The following DNAJB6 variants were observed in gnomAD, a reference collection of about 807,000 sequenced individuals.
DNAJB6 encodes the protein dnaJ homolog subfamily B member 6.
Under a neutral mutation model 42.7 loss-of-function variants are expected in DNAJB6, and 16 were observed. The observed-to-expected ratio is 0.37, with a 90% CI of 0.25 to 0.57. DNAJB6 has a LOEUF of 0.57. Among genes scored for constraint, DNAJB6 ranks in the 20% least tolerant of loss-of-function variants. The pLI, the probability that DNAJB6 is intolerant of heterozygous loss-of-function variation, is 0.74. For missense variants in DNAJB6, 347 were observed against 416.8 expected (o/e 0.83, Z 1.46); for synonymous variants, 170 against 163.5 (o/e 1.04, Z -0.30).
chr7:157,341,006 G>GCGCTCGCGCGCA (rs764073499), intron 1 of DNAJB6, among the ~76,000 whole-genome samples: 8 of 142,582 alleles, frequency 5.6e-5, no homozygotes, highest in Non-Finnish European at 1.1e-4. Context: ...GTGCGCGCGC[G>GCGCTCGCGCGCA]CAGGTGGAAT....
At chr7:157,400,218 CTGGGT>C (rs1801782586) in intron 8 of DNAJB6, among the ~76,000 whole-genome samples, 1 of 150,014 alleles carries the variant, frequency 6.7e-6, no homozygotes, top group African/African-American at 2.5e-5. Flanking sequence ...GCTGGGATGC[CTGGGT>C]CCCCGCGCCT....
chr7:157,366,592 A>G, intron 4 of DNAJB6, 31 bp downstream of exon 4: 3 of 1,601,902 alleles, frequency 1.9e-6, no homozygotes, highest in East Asian at 2.2e-5. Context: ...TTTGAAGACA[A>G]AAGGTCTTGG....
At chr7:157,340,660 T>C (rs79925917) in intron 1 of DNAJB6, among the ~76,000 whole-genome samples, 1,680 of 152,188 alleles carry the variant, frequency 0.011, 30 homozygotes, top group East Asian at 0.06. Context: ...AGAAGGAATA[T>C]TGATTGATGA....
chr7:157,388,820 A>G (rs571991574), intron 8 of DNAJB6, among the ~76,000 whole-genome samples: 2 of 152,098 alleles, frequency 1.3e-5, no homozygotes, highest in African/African-American at 4.8e-5. Context: ...CTGTTTTCCT[A>G]TTCCTTGTAG....
At chr7:157,342,839 G>C (rs1427921388) in intron 1 of DNAJB6, among the ~76,000 whole-genome samples, 2 of 152,136 alleles carry the variant, frequency 1.3e-5, no homozygotes, top group South Asian at 2.1e-4. Context: ...CTCTGATCTT[G>C]AGTAATGGGG....
chr7:157,367,291 G>T lies in DNAJB6; in HGVS notation c.236-82G>T, dbSNP rs1011973915. 5.3e-6 allele frequency: 5 copies of T among 935,744 alleles called. No homozygotes were observed. In the African/African-American group the frequency reaches 8.2e-5, roughly 15 times the overall value. 58.0% of individuals were successfully genotyped at this position (935,744 alleles called of 1,614,324 possible). A position where few individuals can be genotyped will look rare whatever the true frequency, so the allele number is the denominator to read the frequency against. On this transcript the variant is annotated intron_variant, in intron 4 of 9. Coordinates refer to ENST00000262177, the MANE Select transcript of DNAJB6 (RefSeq NM_058246.4). ...TTTTGTTTTTATTAGTTCATGATTT[G>T]TATAATGTTTTGTCAACAAAGAATT...
chr7:157,364,135 G>C lies in DNAJB6; in HGVS notation c.175+865G>C, dbSNP rs527791176. ...TTTTTTTTAAAGAACCCAATTTGAG[G>C]CAGAGGTTGCAGTGAGCCGAGATTG... On this transcript the variant is annotated intron_variant, in intron 3 of 9. Coordinates refer to ENST00000262177, the MANE Select transcript of DNAJB6 (RefSeq NM_058246.4). 2.0e-5 allele frequency among the ~76,000 whole-genome samples: 3 copies of C among 151,770 alleles called. No individual in the cohort carries two copies. The South Asian group carries it at 6.3e-4, about 32-fold the overall frequency.
intron 1 of DNAJB6, among the ~76,000 whole-genome samples, chr7:157,350,976 C>T (rs1210817035): frequency 6.6e-6 from 1 of 151,076 alleles, no homozygotes; most frequent in African/African-American, 2.4e-5. Context: ...CTCTTGTTGG[C>T]CAGGCTGGAG....
intron 8 of DNAJB6, among the ~76,000 whole-genome samples, chr7:157,399,418 G>A (rs1257485132): frequency 1.3e-5 from 2 of 152,200 alleles, no homozygotes; most frequent in African/African-American, 4.8e-5. Flanking sequence ...GACCGCAGGG[G>A]TTGCGTAAGG....
intron 1 of DNAJB6, among the ~76,000 whole-genome samples, chr7:157,350,937 CTTT>C (rs200395534): frequency 7.8e-6 from 1 of 127,752 alleles, no homozygotes. Flanking sequence ...TTTGTCCAGT[CTTT>C]TTTTTTTTTT....
chr7:157,387,588 A>G lies in DNAJB6; in HGVS notation c.691+1977A>G, dbSNP rs182588529. Reference sequence around the variant, plus strand: ...AGGGATGTCCAGAAATACCAGGAAAATGAAAAGTCTTTACCTGTAATTCTT... The same window carrying G: ...AGGGATGTCCAGAAATACCAGGAAAGTGAAAAGTCTTTACCTGTAATTCTT... On this transcript the variant is annotated intron_variant, in intron 8 of 9. Coordinates refer to ENST00000262177, the MANE Select transcript of DNAJB6 (RefSeq NM_058246.4). Among the ~76,000 whole-genome samples, 482 of 152,304 alleles carry G rather than the reference A, an allele frequency of 3.2e-3. 12 individuals carry two copies. The highest frequency in any genetic ancestry group is 9.6e-4 in the East Asian group (5 of 5,182).
chr7:157,365,454 C>T (rs748258759), intron 3 of DNAJB6, among the ~76,000 whole-genome samples: 11 of 152,196 alleles, frequency 7.2e-5, no homozygotes, highest in African/African-American at 2.7e-4. Flanking sequence ...GTTAGGTTGG[C>T]GCCTTTCTGG....
At chr7:157,337,614 A>T (rs531528863) in intron 1 of DNAJB6, 1 of 152,182 alleles carries the variant, frequency 6.6e-6, no homozygotes, top group South Asian at 2.1e-4. Flanking sequence ...CCAAGTTCGG[A>T]GGGAGAAGAA....
intron 3 of DNAJB6, among the ~76,000 whole-genome samples, chr7:157,364,927 C>T (rs931989368): frequency 5.3e-5 from 8 of 152,156 alleles, no homozygotes; most frequent in African/African-American, 1.9e-4. Context: ...GCTCGTTTTC[C>T]CATTTTGTGG....
intron 8 of DNAJB6, among the ~76,000 whole-genome samples, chr7:157,407,056 C>T (rs754828907): frequency 2.6e-5 from 4 of 152,224 alleles, no homozygotes; most frequent in Admixed American, 6.5e-5. Flanking sequence ...CCCAGGGGCG[C>T]GTTTTCACCT....
At chr7:157,403,892 C>T (rs1026356717) in intron 8 of DNAJB6, among the ~76,000 whole-genome samples, 2 of 144,508 alleles carry the variant, frequency 1.4e-5, no homozygotes, top group East Asian at 2.1e-4. Flanking sequence ...TCCTGTCCAC[C>T]CTGACCCAGG....
intron 4 of DNAJB6, 113 bp downstream of exon 4, chr7:157,366,674 A>T (rs990694835): frequency 1.5e-4 from 149 of 969,118 alleles, no homozygotes; most frequent in Non-Finnish European, 3.5e-5. Context: ...TAGAGATGCA[A>T]CGTAGAAAGC....
At chr7:157,373,610 C>T (rs750780156) in intron 5 of DNAJB6, among the ~76,000 whole-genome samples, 20 of 152,142 alleles carry the variant, frequency 1.3e-4, no homozygotes, top group South Asian at 8.3e-4. Context: ...CTTGGCCTCC[C>T]GAAGTGCTGG....
intron 1 of DNAJB6, among the ~76,000 whole-genome samples, chr7:157,349,488 A>C (rs1428329005): frequency 8.5e-6 from 1 of 118,322 alleles, no homozygotes; most frequent in Non-Finnish European, 2.0e-5. Flanking sequence ...GAGTTTTATT[A>C]CTTTTTTTTT....
Sources: allele counts gnomAD v4.1 joint callset (sites outside exome capture counted in the v4.1 genomes callset), GRCh38; gene constraint gnomAD v4.1.1; transcripts MANE v1.5; gene names NCBI Gene and HGNC (gene_info 2026-07-23, HGNC 2026-07-21).